AP4S1: variants seen among roughly 807,000 people sequenced by gnomAD.
The protein encoded by AP4S1 is adaptor related protein complex 4 subunit sigma 1, also known as AP-4 complex subunit sigma-1.
AP4S1 carries 23 observed loss-of-function variants against 19.8 expected under a neutral mutation model. The observed-to-expected ratio is 1.16, with a 90% confidence interval of 0.84 to 1.65. The LOEUF is 1.65. Among genes scored for constraint, AP4S1 ranks in the 40% most tolerant of loss-of-function variants. The pLI is 0.00. For missense variants in AP4S1, 166 were observed against 172.8 expected (o/e 0.96, Z 0.22); for synonymous variants, 46 against 54.1 (o/e 0.85, Z 0.66).
At chr14:31,073,306 C>G (rs539501124) in intron 4 of AP4S1, 2 of 241,632 alleles carry the variant, frequency 8.3e-6, no homozygotes, top group Non-Finnish European at 1.6e-5. Flanking sequence ...CTGGCTAATA[C>G]GGTGAAACCC....
At chr14:31,067,185 G>A (rs890703606) in intron 2 of AP4S1, among the ~76,000 whole-genome samples, 3 of 146,540 alleles carry the variant, frequency 2.0e-5, no homozygotes, top group Non-Finnish European at 3.0e-5. Flanking sequence ...TCCAGCCTGA[G>A]CGACAAGAGC....
In AP4S1 at chr14:31,066,279, G is replaced by C; in HGVS notation, c.83G>C (p.Arg28Pro). ...KYYEHVDINK[R>P]TLLETEVIKS... ...TATGAACATGTGGATATTAATAAGCGTACACTTCTGGAAACAGAAGTCATA... is the reference window on the plus strand; with the variant it reads ...TATGAACATGTGGATATTAATAAGCCTACACTTCTGGAAACAGAAGTCATA... Residue 28 changes from arginine to proline, a missense_variant, in exon 2 of 6, where the codon CGT (arginine) becomes CCT (proline). By Grantham distance (103) the Arg-to-Pro change is moderately radical. Coordinates refer to ENST00000542754, the MANE Select transcript of AP4S1 (RefSeq NM_001128126.3). 6.2e-7 allele frequency: 1 copy of C among 1,613,836 alleles called. No individual in the cohort carries two copies. Among genetic ancestry groups the C allele is most frequent in the Non-Finnish European group, 8.5e-7 (1 of 1,179,882 alleles).
chr14:31,074,701 T>C (rs181833135), intron 4 of AP4S1, among the ~76,000 whole-genome samples: 117 of 152,068 alleles, frequency 7.7e-4, no homozygotes, highest in Non-Finnish European at 1.5e-3. Context: ...AGTAAGTGTA[T>C]AATCAAGCTG....
chr14:31,060,181 TCCATTTATATGCA>T (rs1427552720), intron 1 of AP4S1, among the ~76,000 whole-genome samples: 2 of 151,756 alleles, frequency 1.3e-5, no homozygotes, highest in African/African-American at 4.8e-5. Flanking sequence ...ACTGCACGGA[TCCATTTATATGCA>T]CCTTTTTTTC....
intron 4 of AP4S1, among the ~76,000 whole-genome samples, chr14:31,073,433 TGAGCC>T (rs1460014148): frequency 2.2e-5 from 3 of 136,526 alleles, no homozygotes; most frequent in African/African-American, 7.8e-5. Context: ...GAGCTTGCAG[TGAGCC>T]GAGATCCCGC....
chr14:31,087,510 A>G (rs1887952639), intron 5 of AP4S1, among the ~76,000 whole-genome samples: 1 of 151,972 alleles, frequency 6.6e-6, no homozygotes, highest in Non-Finnish European at 1.5e-5. Context: ...GCCTGCCACC[A>G]TGCCTGGCTA....
intron 4 of AP4S1, among the ~76,000 whole-genome samples, chr14:31,075,135 C>G (rs1242131116): frequency 1.3e-5 from 2 of 152,190 alleles, no homozygotes; most frequent in African/African-American, 4.8e-5. Context: ...TTTCTTCTAT[C>G]TAATTGCATA....
At chr14:31,061,829 A>G (rs944551860) in intron 1 of AP4S1, among the ~76,000 whole-genome samples, 1 of 151,830 alleles carries the variant, frequency 6.6e-6, no homozygotes, top group African/African-American at 2.4e-5. Context: ...TTTAGTAGAG[A>G]CAGGGTTTCA....
chr14:31,040,349 C>T (rs1164357314), intron 1 of AP4S1, among the ~76,000 whole-genome samples: 2 of 151,932 alleles, frequency 1.3e-5, no homozygotes, highest in African/African-American at 4.8e-5. Flanking sequence ...GATGGGGTTT[C>T]GCCATATTGC....
chr14:31,034,642 G>A (rs1484733858), intron 1 of AP4S1, among the ~76,000 whole-genome samples: 1 of 127,662 alleles, frequency 7.8e-6, no homozygotes, highest in Non-Finnish European at 1.6e-5. Flanking sequence ...TTTAGACAGA[G>A]TCTTGCTCTG....
intron 4 of AP4S1, among the ~76,000 whole-genome samples, chr14:31,079,314 G>A (rs1313728688): frequency 6.6e-6 from 1 of 152,078 alleles, no homozygotes; most frequent in Admixed American, 6.6e-5. Flanking sequence ...ATGTAGTTAT[G>A]CATTTGTCTA....
At chr14:31,052,495 C>T (rs1885851761) in intron 1 of AP4S1, among the ~76,000 whole-genome samples, 1 of 151,894 alleles carries the variant, frequency 6.6e-6, no homozygotes, top group Admixed American at 6.6e-5. Flanking sequence ...AAGGCCAAGG[C>T]GGGCAGATCA....
intron 1 of AP4S1, among the ~76,000 whole-genome samples, chr14:31,056,784 C>A (rs1023295967): frequency 6.6e-6 from 1 of 152,158 alleles, no homozygotes; most frequent in African/African-American, 2.4e-5. Context: ...TCATTAAGCT[C>A]AAGTGAACAT....
chr14:31,082,844 C>G (rs939096795), intron 5 of AP4S1, among the ~76,000 whole-genome samples: 1 of 150,188 alleles, frequency 6.7e-6, no homozygotes, highest in African/African-American at 2.5e-5. Context: ...TGCAGTGAGC[C>G]GAGATTGCGC....
At chr14:31,051,748 C>A (rs1320901267) in intron 1 of AP4S1, among the ~76,000 whole-genome samples, 1 of 152,148 alleles carries the variant, frequency 6.6e-6, no homozygotes, top group African/African-American at 2.4e-5. Context: ...GTAACTTCCC[C>A]CTCCCGGGTT....
At chr14:31,092,741 C>A (rs961281309) in intron 5 of AP4S1, among the ~76,000 whole-genome samples, 166 bp from the exon 6 acceptor site, 7 of 152,124 alleles carry the variant, frequency 4.6e-5, no homozygotes, top group African/African-American at 1.7e-4. Context: ...ATGAAGGTAA[C>A]AATTTCTAAT....
intron 1 of AP4S1, 56 bp downstream of exon 1, chr14:31,025,843 C>T: frequency 1.3e-6 from 2 of 1,554,282 alleles, no homozygotes; most frequent in Non-Finnish European, 1.7e-6. Flanking sequence ...AGTCCCCAGC[C>T]CCACCCCCCG....
intron 5 of AP4S1, chr14:31,085,722 A>C: frequency 2.5e-6 from 2 of 785,228 alleles, no homozygotes; most frequent in Non-Finnish European, 3.1e-6. Flanking sequence ...GCAGTGAGCC[A>C]TGATTGTGCT....
chr14:31,085,144 A>G, intron 5 of AP4S1: 1 of 1,251,032 alleles, frequency 8.0e-7, no homozygotes, highest in Non-Finnish European at 1.0e-6. Context: ...CTTCGCCAGC[A>G]CCCTTTCCCC....
Sources: allele counts gnomAD v4.1 joint callset (sites outside exome capture counted in the v4.1 genomes callset), GRCh38; gene constraint gnomAD v4.1.1; transcripts MANE v1.5; gene names NCBI Gene and HGNC (gene_info 2026-07-23, HGNC 2026-07-21).